Variants in CIT observed in about 807,000 individuals in gnomAD.
The protein encoded by CIT is citron Rho-interacting kinase.
CIT carries 79 observed loss-of-function variants against 272.7 expected under a neutral mutation model. The observed-to-expected ratio is 0.29, with a 90% confidence interval of 0.24 to 0.35. The LOEUF (loss-of-function observed/expected upper bound fraction) is 0.35, where lower values mean the gene tolerates loss of function less well. CIT is among the 10% of genes least tolerant of loss of function. CIT has a pLI of 1.00. For synonymous variants in CIT, 948 were observed against 995.6 expected (o/e 0.95, Z 0.90); for missense variants, 1,909 against 2,618.3 (o/e 0.73, Z 5.91).
At chr12:119,852,379 A>G (rs1970277624) in intron 4 of CIT, among the ~76,000 whole-genome samples, 1 of 152,220 alleles carries the variant, frequency 6.6e-6, no homozygotes, top group Non-Finnish European at 1.5e-5. Flanking sequence ...AGGACAATTA[A>G]GTGTCACGTG....
At chr12:119,829,339 AAGAAAAGAAGAGAAG>A (rs1968422682) in intron 7 of CIT, among the ~76,000 whole-genome samples, 1 of 91,086 alleles carries the variant, frequency 1.1e-5, no homozygotes, top group South Asian at 3.7e-4. Context: ...TCTGTCTTGA[AAGAAAAGAAGAGAAG>A]AGAAGAGAAG....
At chr12:119,773,210 A>G (rs1169194400) in intron 16 of CIT, among the ~76,000 whole-genome samples, 2 of 152,164 alleles carry the variant, frequency 1.3e-5, no homozygotes, top group African/African-American at 4.8e-5. Context: ...CTTGGGGTAT[A>G]TAAGATAATG....
rs370223953 is a variant in CIT, at chr12:119,862,523, AG to A, written c.239-4826del. On this transcript the variant is annotated intron_variant, in intron 3 of 47. Coordinates refer to ENST00000392521, the MANE Select transcript of CIT (RefSeq NM_001206999.2). ...TAATCCCCAGTGTAATACTATTAAG[AG>A]GTAGGACTTGCAGGGGCTGGCCACA... is the stretch of plus-strand genomic sequence containing the variant. Among the ~76,000 whole-genome samples the A allele has an allele frequency of 4.5e-3, 688 of 151,976 alleles. 8 individuals carry two copies. The highest frequency in any genetic ancestry group is 0.016 in the African/African-American group (658 of 41,432).
chr12:119,801,857 C>T (rs866609803), intron 10 of CIT, among the ~76,000 whole-genome samples: 1 of 152,206 alleles, frequency 6.6e-6, no homozygotes. Flanking sequence ...GCACATCTAA[C>T]ACTACCAAAA....
chr12:119,697,886 T>A lies in CIT; in HGVS notation c.5703-48A>T. The A allele has an allele frequency of 6.2e-7, 1 of 1,613,206 alleles. No homozygotes were observed. Reference sequence around the variant, plus strand: ...TTACCTTCATTGCAGGCTACCTCCATTGCTAGGCAAGTTAGGAAGGAACAT... The same window carrying A: ...TTACCTTCATTGCAGGCTACCTCCAATGCTAGGCAAGTTAGGAAGGAACAT... On this transcript the variant is annotated intron_variant, in intron 45 of 47. Coordinates refer to ENST00000392521, the MANE Select transcript of CIT (RefSeq NM_001206999.2). This position sits in a 1 kb window ranked among gnomAD's most constrained non-coding sequence, Gnocchi z 4.9.
chr12:119,713,014 AG>A lies in CIT; in HGVS notation c.4579+188del, dbSNP rs1486392140. 7 of 635,136 alleles carry A rather than the reference AG, an allele frequency of 1.1e-5. No homozygotes were observed. The highest frequency in any genetic ancestry group is 1.7e-5 in the Non-Finnish European group (6 of 357,506). 39.3% of individuals were successfully genotyped at this position (635,136 alleles called of 1,614,324 possible). ...CAGGGCAGCGCCCTGCGGGTTCTTC[AG>A]GGGGGAGACCTATAGATGTGAGTAT... On this transcript the variant is annotated intron_variant, in intron 35 of 47. Coordinates refer to ENST00000392521, the MANE Select transcript of CIT (RefSeq NM_001206999.2). This position sits in a 1 kb window ranked among gnomAD's most constrained non-coding sequence, Gnocchi z 5.2.
intron 10 of CIT, among the ~76,000 whole-genome samples, chr12:119,802,329 C>T (rs1966267830): frequency 6.6e-6 from 1 of 152,110 alleles, no homozygotes; most frequent in Admixed American, 6.5e-5. Context: ...AGATACTGAC[C>T]TCCCACATCC....
intron 26 of CIT, 57 bp downstream of exon 26, chr12:119,734,107 C>CA: frequency 6.4e-7 from 1 of 1,568,964 alleles, no homozygotes. Flanking sequence ...CCACAACTCT[C>CA]AGGCCGATCC....
At chr12:119,699,903 G>C in intron 44 of CIT, 1 of 456,072 alleles carries the variant, frequency 2.2e-6, no homozygotes, top group Non-Finnish European at 4.4e-6. Flanking sequence ...ACACAGATAC[G>C]TATGTACATA....
chr12:119,713,677 G>T lies in CIT; in HGVS notation c.4307-29C>A. The T allele has an allele frequency of 1.2e-6, 2 of 1,611,614 alleles. No homozygotes were observed. The highest frequency in any genetic ancestry group is 2.2e-5 in the South Asian group (2 of 91,012). On this transcript the variant is annotated intron_variant, in intron 33 of 47. Coordinates refer to ENST00000392521, the MANE Select transcript of CIT (RefSeq NM_001206999.2). The surrounding 1 kb of genome is among the most constrained non-coding windows in gnomAD (Gnocchi z 5.2). Reference sequence around the variant, plus strand: ...GGGAAGAACAGTGAGCAACCTGAGGGCATGCTCAGCTGACCCTGGACCCTT... The same window carrying T: ...GGGAAGAACAGTGAGCAACCTGAGGTCATGCTCAGCTGACCCTGGACCCTT...
At chr12:119,838,678 C>G (rs1007888986) in intron 5 of CIT, among the ~76,000 whole-genome samples, 1 of 152,184 alleles carries the variant, frequency 6.6e-6, no homozygotes, top group Non-Finnish European at 1.5e-5. Flanking sequence ...TTTCATATAG[C>G]CATCACCTCT....
chr12:119,785,987 C>T (rs1465344987), intron 10 of CIT, among the ~76,000 whole-genome samples: 1 of 152,168 alleles, frequency 6.6e-6, no homozygotes, highest in African/African-American at 2.4e-5. Flanking sequence ...ACTCATACAC[C>T]TATTGGGCAC....
chr12:119,707,740 T>TCCA (rs1435064275), intron 40 of CIT, among the ~76,000 whole-genome samples: 2 of 152,170 alleles, frequency 1.3e-5, no homozygotes, highest in Non-Finnish European at 2.9e-5. Flanking sequence ...GACCTCGTGA[T>TCCA]CCACCTGCCT....
chr12:119,843,429 C>A (rs1162176679), intron 5 of CIT, among the ~76,000 whole-genome samples: 1 of 152,104 alleles, frequency 6.6e-6, no homozygotes, highest in East Asian at 1.9e-4. Flanking sequence ...CTGAAACCCA[C>A]ACAGCAGAGG....
At position 119,804,192 on chromosome 12, in the gene CIT, C is replaced by T. The variant is rs1052362105; in HGVS notation, c.1112-803G>A. The T allele has an allele frequency of 9.1e-6, 9 of 985,386 alleles. No homozygotes were observed. The highest frequency in any genetic ancestry group is 1.1e-5 in the Non-Finnish European group (9 of 830,050). The allele number at this position is 985,386 out of a possible 1,614,324, so 61.0% of individuals were successfully genotyped here. A position where few individuals can be genotyped will look rare whatever the true frequency, so the allele number is the denominator to read the frequency against. On this transcript the variant is annotated intron_variant, in intron 9 of 47. Coordinates refer to ENST00000392521, the MANE Select transcript of CIT (RefSeq NM_001206999.2). This position sits in a 1 kb window ranked among gnomAD's most constrained non-coding sequence, Gnocchi z 5.3. ...TCAGGGCTTCACTCCCGGCTGGGGG[C>T]GTGTTACATCCTCTCCACTTCCTCC...
intron 17 of CIT, 116 bp from the exon 18 acceptor site, chr12:119,771,026 C>T: frequency 7.9e-7 from 1 of 1,258,484 alleles, no homozygotes; most frequent in Non-Finnish European, 1.1e-6. Flanking sequence ...AGAAAAGTCT[C>T]AGGCACCCGA....
chr12:119,687,869 G>T lies in CIT; in HGVS notation c.*363C>A. 1 of 228,492 alleles carries T rather than the reference G, an allele frequency of 4.4e-6. No homozygotes were observed. Among genetic ancestry groups the T allele is most frequent in the Non-Finnish European group, 8.4e-6 (1 of 118,856 alleles). The allele number at this position is 228,492 out of a possible 1,614,324, so 14.2% of individuals were successfully genotyped here. A position where few individuals can be genotyped will look rare whatever the true frequency, so the allele number is the denominator to read the frequency against. On this transcript the variant is annotated 3_prime_UTR_variant, in exon 48 of 48. Transcript: ENST00000392521. ...AACCAACCAATCCTAGGATCTTAAAGTAGCTAATTAGGATTCTAACCATGT... is the reference window on the plus strand; with the variant it reads ...AACCAACCAATCCTAGGATCTTAAATTAGCTAATTAGGATTCTAACCATGT...
chr12:119,832,641 C>T, intron 7 of CIT, 130 bp downstream of exon 7: 1 of 676,062 alleles, frequency 1.5e-6, no homozygotes, highest in African/African-American at 1.8e-5. Context: ...TGTCCCTGTC[C>T]CCACCCCCAT....
At chr12:119,711,185 C>A in intron 37 of CIT, 1 of 1,032,528 alleles carries the variant, frequency 9.7e-7, no homozygotes, top group South Asian at 1.2e-5. Context: ...CTGAGTAAAG[C>A]CCTTTTCAGG....
Sources: gnomAD v4.1 joint callset for allele counts (sites outside exome capture counted in the v4.1 genomes callset) on GRCh38, gnomAD v4.1.1 for gene constraint, Gnocchi (gnomAD v3.1) non-coding constraint, MANE v1.5 for transcripts, NCBI Gene and HGNC (gene_info 2026-07-23, HGNC 2026-07-21) for gene names.